The following OSBPL10 variants were observed in gnomAD, a reference collection of about 807,000 sequenced individuals.
OSBPL10 encodes oxysterol-binding protein-related protein 10.
OSBPL10 carries 49 observed loss-of-function variants against 81.7 expected under a neutral mutation model. The ratio of observed to expected loss-of-function variants is 0.60; its 90% CI spans 0.48 to 0.76. The LOEUF (loss-of-function observed/expected upper bound fraction) is 0.76. Among genes scored for constraint, OSBPL10 ranks in the 30% least tolerant of loss-of-function variants. The probability of loss-of-function intolerance (pLI) is 0.00; values close to 1 mark genes in which losing one functional copy is unlikely to be tolerated. For synonymous variants in OSBPL10, 419 were observed against 383.6 expected, an observed-to-expected ratio of 1.09 and a Z score of -1.08; for missense variants, 923 against 987.8, an observed-to-expected ratio of 0.93 and a Z score of 0.88.
chr3:31,894,753 G>A (rs56271780), intron 1 of OSBPL10, among the ~76,000 whole-genome samples: 13,036 of 152,210 alleles, frequency 0.086, 589 homozygotes, highest in South Asian at 0.12. Context: ...GAAACCAGGT[G>A]TGGCAGAGAC....
chr3:31,916,234 A>C (rs1696754809), intron 1 of OSBPL10, among the ~76,000 whole-genome samples: 1 of 152,228 alleles, frequency 6.6e-6, no homozygotes. Flanking sequence ...GGATGCACTG[A>C]TACTGGCTTC....
chr3:31,783,830 ATAT>A (rs1698786941), intron 4 of OSBPL10, among the ~76,000 whole-genome samples: 1 of 68,684 alleles, frequency 1.5e-5, no homozygotes. Flanking sequence ...AAAAATATAT[ATAT>A]ATATATATAT....
intron 1 of OSBPL10, among the ~76,000 whole-genome samples, chr3:31,911,640 C>A (rs1433545780): frequency 6.7e-6 from 1 of 150,190 alleles, no homozygotes; most frequent in African/African-American, 2.5e-5. Context: ...AAAAAAAAAA[C>A]TCATGTTTTA....
At chr3:32,053,880 C>G (rs556271171) in intron 1 of OSBPL10, among the ~76,000 whole-genome samples, 1 of 152,076 alleles carries the variant, frequency 6.6e-6, no homozygotes, top group South Asian at 2.1e-4. Context: ...AAGAGAATCA[C>G]TTGAACACGG....
intron 3 of OSBPL10, among the ~76,000 whole-genome samples, chr3:31,862,012 G>A (rs979266070): frequency 6.6e-6 from 1 of 152,056 alleles, no homozygotes; most frequent in Non-Finnish European, 1.5e-5. Flanking sequence ...CAAGTGGAAG[G>A]GGCCAGTTTT....
At chr3:31,885,995 CAAAAAAA>C (rs397957994) in intron 1 of OSBPL10, among the ~76,000 whole-genome samples, 2 of 62,538 alleles carry the variant, frequency 3.2e-5, no homozygotes, top group African/African-American at 1.3e-4. Context: ...AACTCCATCT[CAAAAAAA>C]AAAAAAAAAA....
chr3:32,071,819 T>C (rs1008606951), intron 1 of OSBPL10, among the ~76,000 whole-genome samples: 1 of 152,138 alleles, frequency 6.6e-6, no homozygotes, highest in African/African-American at 2.4e-5. Flanking sequence ...CCTCCCACAT[T>C]GTTCCTGATA....
intron 2 of OSBPL10, among the ~76,000 whole-genome samples, chr3:32,015,343 G>A (rs1354857227): frequency 6.6e-6 from 1 of 152,126 alleles, no homozygotes; most frequent in African/African-American, 2.4e-5. Context: ...TAAGAAATGG[G>A]GAAATGATTC....
chr3:31,843,118 T>A (rs1330956438), intron 3 of OSBPL10, among the ~76,000 whole-genome samples: 1 of 152,216 alleles, frequency 6.6e-6, no homozygotes, highest in East Asian at 1.9e-4. Flanking sequence ...TTGGCTGTGC[T>A]ATTTACCTCC....
At chr3:32,026,542 T>C (rs1280913216) in intron 2 of OSBPL10, among the ~76,000 whole-genome samples, 1 of 152,190 alleles carries the variant, frequency 6.6e-6, no homozygotes, top group African/African-American at 2.4e-5. Context: ...AAAGGAACTA[T>C]ATGGTTCTAA....
intron 3 of OSBPL10, among the ~76,000 whole-genome samples, chr3:31,845,495 T>C (rs1428955527): frequency 6.6e-6 from 1 of 152,234 alleles, no homozygotes; most frequent in Non-Finnish European, 1.5e-5. Flanking sequence ...ATTTTCCACA[T>C]TTTATTATGT....
At chr3:31,860,044 A>G (rs1363338809) in intron 3 of OSBPL10, among the ~76,000 whole-genome samples, 1 of 152,120 alleles carries the variant, frequency 6.6e-6, no homozygotes, top group Non-Finnish European at 1.5e-5. Flanking sequence ...CATTGCTCAC[A>G]TATACCTGGT....
At chr3:31,682,241 A>G (rs1457137681) in intron 8 of OSBPL10, among the ~76,000 whole-genome samples, 1 of 152,194 alleles carries the variant, frequency 6.6e-6, no homozygotes, top group East Asian at 1.9e-4. Flanking sequence ...GTTTTCAACA[A>G]ACGGCTGGAG....
chr3:31,751,189 C>A (rs930397628), intron 4 of OSBPL10, among the ~76,000 whole-genome samples: 12 of 151,772 alleles, frequency 7.9e-5, no homozygotes, highest in South Asian at 4.2e-4. Context: ...AAAACAACAA[C>A]AAAAAACAAA....
intron 1 of OSBPL10, among the ~76,000 whole-genome samples, chr3:32,070,681 TCAAAA>T (rs1699822455): frequency 6.6e-6 from 1 of 152,204 alleles, no homozygotes; most frequent in South Asian, 2.1e-4. Flanking sequence ...TTTTACCTGT[TCAAAA>T]ACTAGACAAG....
At chr3:31,939,043 C>A (rs1390253256) in intron 1 of OSBPL10, among the ~76,000 whole-genome samples, 8 of 152,078 alleles carry the variant, frequency 5.3e-5, no homozygotes, top group Non-Finnish European at 1.2e-4. Flanking sequence ...AGAACTCTAT[C>A]CACACTAGAC....
At chr3:31,827,909 T>C (rs1236541978) in intron 4 of OSBPL10, among the ~76,000 whole-genome samples, 2 of 152,224 alleles carry the variant, frequency 1.3e-5, no homozygotes, top group African/African-American at 4.8e-5. Context: ...TAAATGAAGG[T>C]AGAAAACATT....
At chr3:31,856,039 AAT>A (rs202245426) in intron 3 of OSBPL10, among the ~76,000 whole-genome samples, 14 of 149,654 alleles carry the variant, frequency 9.4e-5, no homozygotes, top group South Asian at 2.1e-4. Flanking sequence ...ATATATGTAT[AAT>A]ATATGTTATA....
intron 4 of OSBPL10, among the ~76,000 whole-genome samples, chr3:31,823,473 A>G (rs1251491783): frequency 6.6e-6 from 1 of 152,210 alleles, no homozygotes; most frequent in Non-Finnish European, 1.5e-5. Flanking sequence ...AGTGCTATCC[A>G]AGAGAAAGAT....
Sources: allele counts gnomAD v4.1 joint callset (sites outside exome capture counted in the v4.1 genomes callset), GRCh38; gene constraint gnomAD v4.1.1; transcripts MANE v1.5; gene names NCBI Gene and HGNC (gene_info 2026-07-23, HGNC 2026-07-21).